UBAC2: variants seen among roughly 807,000 people sequenced by gnomAD.
UBAC2 encodes the protein UBA domain containing 2.
In UBAC2, 26 loss-of-function variants were observed where a neutral mutation model predicts 44.0. The observed-to-expected ratio is 0.59, with a 90% CI of 0.43 to 0.82. The LOEUF is 0.82. Among genes scored for constraint, UBAC2 ranks in the 40% least tolerant of loss-of-function variants. The probability of loss-of-function intolerance (pLI) is 0.00; values close to 1 mark genes in which losing one functional copy is unlikely to be tolerated. For synonymous variants in UBAC2, 155 were observed against 154.3 expected (o/e 1.00, Z -0.04); for missense variants, 329 against 419.4 (o/e 0.78, Z 1.88).
intron 4 of UBAC2, among the ~76,000 whole-genome samples, chr13:99,254,473 G>A (rs184259353): frequency 6.6e-6 from 1 of 152,228 alleles, no homozygotes; most frequent in African/African-American, 2.4e-5. Flanking sequence ...TAGGAATTCT[G>A]GAAGTCAGTG....
At chr13:99,284,997 A>G (rs1458227289) in intron 4 of UBAC2, among the ~76,000 whole-genome samples, 2 of 152,198 alleles carry the variant, frequency 1.3e-5, no homozygotes, top group Non-Finnish European at 2.9e-5. Flanking sequence ...CATTTTTGCT[A>G]TCCTCTTTCC....
chr13:99,307,832 C>T (rs1056041554), intron 4 of UBAC2: 4 of 152,148 alleles, frequency 2.6e-5, no homozygotes, highest in African/African-American at 9.7e-5. Flanking sequence ...AACTTGGTAT[C>T]AGGGAGTAGT....
chr13:99,215,313 A>T, intron 1 of UBAC2: 1 of 794,864 alleles, frequency 1.3e-6, no homozygotes, highest in Non-Finnish European at 2.3e-6. Flanking sequence ...GGCATCACCA[A>T]CACTGGACAG....
chr13:99,206,645 C>T (rs1348725900), intron 1 of UBAC2, among the ~76,000 whole-genome samples: 1 of 152,180 alleles, frequency 6.6e-6, no homozygotes, highest in Non-Finnish European at 1.5e-5. Context: ...CTGTGGTGCT[C>T]ATCGAGCAAA....
At chr13:99,341,659 G>C (rs2044891282) in intron 7 of UBAC2, among the ~76,000 whole-genome samples, 1 of 152,184 alleles carries the variant, frequency 6.6e-6, no homozygotes, top group Non-Finnish European at 1.5e-5. Flanking sequence ...CGAAAGCAAA[G>C]AAGTAGTAAG....
intron 6 of UBAC2, among the ~76,000 whole-genome samples, chr13:99,337,519 G>C (rs1169692839): frequency 1.3e-5 from 2 of 152,096 alleles, no homozygotes; most frequent in African/African-American, 4.8e-5. Context: ...AGTGGATCTA[G>C]ATGTAAATTT....
In UBAC2 at chr13:99,243,081, C is replaced by A. The variant is rs537308930; in HGVS notation, c.160-751C>A. ...TATCTGTTTTACCACAATAAAAATA[C>A]AAAGAAAAGTTGGAATTAATATTTG... On this transcript the variant is annotated intron_variant, in intron 2 of 8. Coordinates refer to ENST00000403766, the MANE Select transcript of UBAC2 (RefSeq NM_001144072.2). 2.9e-3 allele frequency among the ~76,000 whole-genome samples: 441 copies of A among 152,062 alleles called. 2 individuals are homozygous for A. Among genetic ancestry groups the A allele is most frequent in the African/African-American group, 0.01 (428 of 41,474 alleles).
chr13:99,378,621 A>G (rs1364679477), intron 8 of UBAC2, among the ~76,000 whole-genome samples: 1 of 152,262 alleles, frequency 6.6e-6, no homozygotes, highest in Non-Finnish European at 1.5e-5. Context: ...GAGGTCAGGC[A>G]TCATTTTATC....
intron 4 of UBAC2, among the ~76,000 whole-genome samples, chr13:99,311,776 T>G (rs1043809261): frequency 6.6e-6 from 1 of 152,252 alleles, no homozygotes; most frequent in African/African-American, 2.4e-5. Context: ...GCTCCTAAAC[T>G]GTGCCAAGCA....
At chr13:99,369,652 G>A (rs2045379758) in intron 8 of UBAC2, among the ~76,000 whole-genome samples, 2 of 152,208 alleles carry the variant, frequency 1.3e-5, no homozygotes, top group Non-Finnish European at 2.9e-5. Context: ...ATCGTAGGTT[G>A]AGGAGCGCTT....
rs1475330774 is a variant in UBAC2, at chr13:99,314,141, T to C, written c.434T>C (p.Ile145Thr). The C allele has an allele frequency of 6.2e-7, 1 of 1,613,790 alleles. No homozygotes were observed. Among genetic ancestry groups the C allele is most frequent in the Non-Finnish European group, 8.5e-7 (1 of 1,179,960 alleles). The change falls in exon 5 of 9, where the codon ATA becomes ACA. Residue 145 changes from isoleucine to threonine, a missense_variant. Coordinates refer to ENST00000403766, the MANE Select transcript of UBAC2 (RefSeq NM_001144072.2). ...CTGTTTGTACCATTTTACTGCTCCA[T>C]ACCAAGAGTCCAAGTGGCACAAATT... ...FALFVPFYCSIPRVQVAQILG... is the reference protein window; with the variant it reads ...FALFVPFYCSTPRVQVAQILG...
intron 1 of UBAC2, among the ~76,000 whole-genome samples, chr13:99,229,945 T>G (rs1335968532): frequency 6.6e-6 from 1 of 152,198 alleles, no homozygotes; most frequent in East Asian, 1.9e-4. Flanking sequence ...TTGTGTAACT[T>G]ATGGGGAGTA....
At chr13:99,348,773 G>C (rs1388262091) in intron 7 of UBAC2, among the ~76,000 whole-genome samples, 1 of 152,202 alleles carries the variant, frequency 6.6e-6, no homozygotes, top group African/African-American at 2.4e-5. Flanking sequence ...CGCTTTGGGA[G>C]GCCAAGGCAG....
rs907727298 is a variant in UBAC2, at chr13:99,318,199, C to G, written c.561+130C>G. On this transcript the variant is annotated intron_variant, in intron 6 of 8. Transcript: ENST00000403766. ...TCTTTTTTTTTGAGACAGAATTTCA[C>G]TCTTGTTGCCCAGGCTGGAGTGCAA... 5.4e-6 allele frequency: 5 copies of G among 922,608 alleles called. No homozygotes were observed. The East Asian group carries it at 1.2e-4, about 23-fold the overall frequency. The allele number at this position is 922,608 out of a possible 1,614,324, so 57.2% of individuals were successfully genotyped here. A position where few individuals can be genotyped will look rare whatever the true frequency, so the allele number is the denominator to read the frequency against.
At chr13:99,275,249 A>G (rs753398640) in intron 4 of UBAC2, among the ~76,000 whole-genome samples, 1 of 152,144 alleles carries the variant, frequency 6.6e-6, no homozygotes, top group Non-Finnish European at 1.5e-5. Flanking sequence ...TTCAGGCTTT[A>G]CTGGGATTGG....
intron 7 of UBAC2, among the ~76,000 whole-genome samples, chr13:99,347,249 C>A (rs1208905929): frequency 2.8e-5 from 4 of 144,828 alleles, no homozygotes; most frequent in African/African-American, 1.0e-4. Flanking sequence ...GGCCAGGGAG[C>A]CTGCGGAGTA....
chr13:99,351,382 G>T, intron 7 of UBAC2: 1 of 362,958 alleles, frequency 2.8e-6, no homozygotes, highest in Non-Finnish European at 5.4e-6. Context: ...CTAGGAACAG[G>T]TTTTACATTT....
At chr13:99,347,248 G>C (rs1430089380) in intron 7 of UBAC2, among the ~76,000 whole-genome samples, 1 of 149,538 alleles carries the variant, frequency 6.7e-6, no homozygotes, top group Non-Finnish European at 1.5e-5. Context: ...TGGCCAGGGA[G>C]CCTGCGGAGT....
intron 4 of UBAC2, among the ~76,000 whole-genome samples, chr13:99,273,227 C>CT (rs1209093647): frequency 1.3e-5 from 2 of 151,886 alleles, no homozygotes; most frequent in Admixed American, 1.3e-4. Flanking sequence ...CAGTTTGTTT[C>CT]TTTTTTGTTG....
Sources: allele counts gnomAD v4.1 joint callset (sites outside exome capture counted in the v4.1 genomes callset), GRCh38; gene constraint gnomAD v4.1.1; transcripts MANE v1.5; gene names NCBI Gene and HGNC (gene_info 2026-07-23, HGNC 2026-07-21).